The following JAM2 variants were observed in gnomAD, a reference collection of about 807,000 sequenced individuals.
The protein encoded by JAM2 is junctional adhesion molecule B.
A neutral mutation model predicts 42.0 loss-of-function variants in JAM2; 17 were observed. The observed-to-expected ratio is 0.40, with a 90% CI of 0.28 to 0.61. The LOEUF is 0.61. JAM2 is among the 20% of genes least tolerant of loss of function. The pLI, the probability that JAM2 is intolerant of heterozygous loss-of-function variation, is 0.37. For synonymous variants in JAM2, 118 were observed against 128.6 expected (o/e 0.92, Z 0.56); for missense variants, 319 against 358.3 (o/e 0.89, Z 0.89).
At chr21:25,693,981 A>G in intron 4 of JAM2, 73 bp downstream of exon 4, 1 of 1,441,232 alleles carries the variant, frequency 6.9e-7, no homozygotes, top group Non-Finnish European at 9.6e-7. Context: ...GCAAGCAAGC[A>G]CTGGTCCATA....
At chr21:25,681,216 G>A (rs891881518) in intron 1 of JAM2, among the ~76,000 whole-genome samples, 2 of 152,156 alleles carry the variant, frequency 1.3e-5, no homozygotes, top group Non-Finnish European at 2.9e-5. Context: ...CAGTTGGATT[G>A]TTTTGCCTAA....
At chr21:25,683,312 C>T (rs999465448) in intron 1 of JAM2, among the ~76,000 whole-genome samples, 2 of 152,036 alleles carry the variant, frequency 1.3e-5, no homozygotes, top group Non-Finnish European at 2.9e-5. Flanking sequence ...TAGACCGGCT[C>T]TCAAAAATCA....
chr21:25,707,272 A>G (rs988382229), intron 7 of JAM2, among the ~76,000 whole-genome samples: 4 of 152,084 alleles, frequency 2.6e-5, no homozygotes, highest in Non-Finnish European at 5.9e-5. Context: ...ACTTGAGGTC[A>G]GGAGTTCGAG....
At position 25,717,040 on chromosome 21, in the gene JAM2, A is replaced by G. The variant is rs973468153; in HGVS notation, c.*2368A>G. ...TGTAAAACTTCTTTTTAAGACATCAAAGGCTAGAGGATTCATTTTATGCAG... is the reference window on the plus strand; with the variant it reads ...TGTAAAACTTCTTTTTAAGACATCAGAGGCTAGAGGATTCATTTTATGCAG... On this transcript the variant is annotated 3_prime_UTR_variant, in exon 10 of 10. Transcript: ENST00000480456. The G allele has an allele frequency of 6.6e-6, 1 of 152,240 alleles. No individual in the cohort carries two copies. The highest frequency in any genetic ancestry group is 6.5e-5 in the Admixed American group (1 of 15,280). 9.4% of individuals were successfully genotyped at this position (152,240 alleles called of 1,614,324 possible).
At chr21:25,675,276 A>T (rs1465360560) in intron 1 of JAM2, among the ~76,000 whole-genome samples, 1 of 152,140 alleles carries the variant, frequency 6.6e-6, no homozygotes, top group Non-Finnish European at 1.5e-5. Flanking sequence ...TGGGCAGATC[A>T]CTTGAGACCA....
chr21:25,681,482 T>C (rs2123365009), intron 1 of JAM2, among the ~76,000 whole-genome samples: 1 of 152,238 alleles, frequency 6.6e-6, no homozygotes, highest in African/African-American at 2.4e-5. Context: ...GAGAACTCAC[T>C]CACTGTCACG....
At chr21:25,704,593 T>C (rs189708877) in intron 6 of JAM2, among the ~76,000 whole-genome samples, 1 of 152,364 alleles carries the variant, frequency 6.6e-6, no homozygotes, top group East Asian at 1.9e-4. Flanking sequence ...AATCATAGGC[T>C]AATTAAAACT....
rs1471409473 is a variant in JAM2, at chr21:25,660,844, G to A, written c.67+20956G>A. Among the ~76,000 whole-genome samples, 7 of 124,534 alleles carry A rather than the reference G, an allele frequency of 5.6e-5. No individual in the cohort carries two copies. The South Asian group carries it at 1.3e-3, about 24-fold the overall frequency. 81.7% of individuals were successfully genotyped at this position (124,534 alleles called of 152,430 possible). Reference sequence around the variant, plus strand: ...GAGTCTCACCCTGTTGCCCAGGCTGGAGTGTGATGGCACAGTCTCAGCTCA... The same window carrying A: ...GAGTCTCACCCTGTTGCCCAGGCTGAAGTGTGATGGCACAGTCTCAGCTCA... On this transcript the variant is annotated intron_variant, in intron 1 of 9. Transcript: ENST00000480456.
rs1046081819 is a variant in JAM2 at position 25,640,839 on chromosome 21, C to G, written c.67+951C>G. ...TTTCTCTCTCTCTTTCTTTCTGTCTCTCTTTCTTTCTTTTGTAAAATGAGT... is the reference window on the plus strand; with the variant it reads ...TTTCTCTCTCTCTTTCTTTCTGTCTGTCTTTCTTTCTTTTGTAAAATGAGT... On this transcript the variant is annotated intron_variant, in intron 1 of 9. Coordinates refer to ENST00000480456, the MANE Select transcript of JAM2 (RefSeq NM_021219.4). Among the ~76,000 whole-genome samples, 19 of 150,560 alleles carry G rather than the reference C, an allele frequency of 1.3e-4. 1 individual carries two copies. The highest frequency in any genetic ancestry group is 4.4e-4 in the African/African-American group (18 of 40,750).
chr21:25,646,070 G>C (rs1475499548), intron 1 of JAM2, among the ~76,000 whole-genome samples: 1 of 152,074 alleles, frequency 6.6e-6, no homozygotes, highest in Non-Finnish European at 1.5e-5. Context: ...GTACACTTAG[G>C]CTACACTAAA....
At position 25,714,693 on chromosome 21, in the gene JAM2, A is replaced by G. The variant is rs762504079; in HGVS notation, c.*21A>G. On this transcript the variant is annotated 3_prime_UTR_variant, in exon 10 of 10. Transcript: ENST00000480456. ...TTTAAAGACTCCACTTTAGAGATAC[A>G]CCAAAGCCACCGTTGTTACACAAGT... The G allele has an allele frequency of 1.9e-5, 27 of 1,459,350 alleles. No homozygotes were observed. In the East Asian group the frequency reaches 6.3e-4, roughly 34 times the overall value. The allele number at this position is 1,459,350 out of a possible 1,614,324, so 90.4% of individuals were successfully genotyped here.
At chr21:25,703,214 CATTTAAATGGTCCTGTTTA>C (rs1327494318) in intron 6 of JAM2, among the ~76,000 whole-genome samples, 1 of 152,188 alleles carries the variant, frequency 6.6e-6, no homozygotes, top group East Asian at 1.9e-4. Flanking sequence ...TTTTTCCTTC[CATTTAAATGGTCCTGTTTA>C]ATTTAAACAT....
At chr21:25,705,240 CT>C (rs768712193) in intron 6 of JAM2, among the ~76,000 whole-genome samples, 1 of 151,674 alleles carries the variant, frequency 6.6e-6, no homozygotes, top group Admixed American at 6.6e-5. Context: ...ATGACATGTG[CT>C]TTTTTTTAAG....
intron 2 of JAM2, among the ~76,000 whole-genome samples, chr21:25,684,952 C>A (rs1427319497): frequency 2.0e-5 from 3 of 152,066 alleles, no homozygotes; most frequent in Non-Finnish European, 4.4e-5. Flanking sequence ...GATCCTTTAT[C>A]TTTTATACAA....
At chr21:25,698,647 A>G (rs761590858) in intron 4 of JAM2, 30 bp from the exon 5 acceptor site, 23 of 1,573,574 alleles carry the variant, frequency 1.5e-5, no homozygotes, top group Non-Finnish European at 1.9e-5. Flanking sequence ...GCTTATAAAT[A>G]ATCAATATCA....
chr21:25,658,940 C>T (rs115947764), intron 1 of JAM2, among the ~76,000 whole-genome samples: 220 of 152,190 alleles, frequency 1.4e-3, no homozygotes, highest in African/African-American at 4.4e-3. Flanking sequence ...ATCTGGAAGA[C>T]AAGGATAAAA....
At chr21:25,644,380 G>C (rs890436356) in intron 1 of JAM2, among the ~76,000 whole-genome samples, 2 of 152,204 alleles carry the variant, frequency 1.3e-5, no homozygotes, top group African/African-American at 2.4e-5. Flanking sequence ...CCTTCTGGAG[G>C]TTCTAGGGCA....
At chr21:25,691,226 C>T (rs2033874065) in intron 3 of JAM2, among the ~76,000 whole-genome samples, 1 of 152,204 alleles carries the variant, frequency 6.6e-6, no homozygotes, top group African/African-American at 2.4e-5. Flanking sequence ...TTTAAAATAT[C>T]TGCTCAAGTT....
chr21:25,685,518 A>T (rs2033730352), intron 2 of JAM2, among the ~76,000 whole-genome samples: 1 of 114,176 alleles, frequency 8.8e-6, no homozygotes, highest in Admixed American at 9.5e-5. Context: ...AAGAGAGAGA[A>T]TGTCTCAAAA....
Sources: gnomAD v4.1 joint callset for allele counts (sites outside exome capture counted in the v4.1 genomes callset) on GRCh38, gnomAD v4.1.1 for gene constraint, MANE v1.5 for transcripts, NCBI Gene and HGNC (gene_info 2026-07-23, HGNC 2026-07-21) for gene names.